The following KRABD2 variants were observed in gnomAD, a reference collection of about 807,000 sequenced individuals.
The protein encoded by KRABD2 is KRAB domain-containing protein 2.
At chr17:8,360,371 C>T in the KRABD2 span, among the ~76,000 whole-genome samples, 60 of 152,022 alleles carry the variant, frequency 3.9e-4, 1 homozygote, top group African/African-American at 1.0e-3. Flanking sequence ...CATATTAAAA[C>T]GGAAAGGCAA....
At chr17:8,359,842 C>T in the KRABD2 span, 2 of 455,756 alleles carry the variant, frequency 4.4e-6, no homozygotes, top group East Asian at 1.4e-4. Context: ...TTTAAGGCAG[C>T]CATTTCCAGC....
At chr17:8,363,802 TATATATATCATAC>T in the KRABD2 span, among the ~76,000 whole-genome samples, 4 of 131,638 alleles carry the variant, frequency 3.0e-5, no homozygotes, top group African/African-American at 1.0e-4. Flanking sequence ...ATATCATACA[TATATATATCATAC>T]ATATATATAT....
At chr17:8,366,116 G>A in the KRABD2 span, among the ~76,000 whole-genome samples, 4 of 142,760 alleles carry the variant, frequency 2.8e-5, no homozygotes, top group South Asian at 6.6e-4. Flanking sequence ...GCGACAGTGC[G>A]AGACTCCATC....
chr17:8,359,578 G>A, the KRABD2 span: 1 of 456,048 alleles, frequency 2.2e-6, no homozygotes, highest in Non-Finnish European at 4.4e-6. Flanking sequence ...GAAACTGACA[G>A]GCTAGAGAAG....
At chr17:8,373,324 G>T in the KRABD2 span, among the ~76,000 whole-genome samples, 1 of 152,216 alleles carries the variant, frequency 6.6e-6, no homozygotes, top group African/African-American at 2.4e-5. Context: ...GCCCACAGGC[G>T]CCGCCATGCC....
chr17:8,367,865 C>A, the KRABD2 span, among the ~76,000 whole-genome samples: 8 of 151,078 alleles, frequency 5.3e-5, no homozygotes, highest in African/African-American at 1.9e-4. Context: ...TGCTGACCTT[C>A]CCTCCACTAT....
chr17:8,375,356 C>T, the KRABD2 span, among the ~76,000 whole-genome samples: 1 of 152,188 alleles, frequency 6.6e-6, no homozygotes, highest in East Asian at 1.9e-4. Context: ...GCTGCACTGG[C>T]GGCATTGCTG....
chr17:8,368,186 A>G, the KRABD2 span, among the ~76,000 whole-genome samples: 1 of 152,174 alleles, frequency 6.6e-6, no homozygotes, highest in East Asian at 1.9e-4. Context: ...TGATCTAATT[A>G]AGGTAAGGAT....
chr17:8,361,632 A>G, the KRABD2 span, among the ~76,000 whole-genome samples: 3 of 152,148 alleles, frequency 2.0e-5, no homozygotes, highest in Admixed American at 6.5e-5. Flanking sequence ...ATCGTAGCTC[A>G]CTGCAGCCTT....
chr17:8,376,385 T>C, the KRABD2 span: 3 of 1,166,350 alleles, frequency 2.6e-6, no homozygotes, highest in Non-Finnish European at 3.2e-6. Context: ...TCGATTGCTA[T>C]GAAGATTCAA....
chr17:8,370,631 C>T, the KRABD2 span, among the ~76,000 whole-genome samples: 1 of 152,158 alleles, frequency 6.6e-6, no homozygotes, highest in Non-Finnish European at 1.5e-5. Flanking sequence ...AGACTTTAGG[C>T]AAACAGCAAA....
chr17:8,369,995 A>AT, the KRABD2 span: 1 of 1,614,212 alleles, frequency 6.2e-7, no homozygotes, highest in Non-Finnish European at 8.5e-7. Flanking sequence ...TCCGCCCACC[A>AT]TGTCCAATAC....
chr17:8,360,833 A>G, the KRABD2 span, among the ~76,000 whole-genome samples: 2 of 152,252 alleles, frequency 1.3e-5, no homozygotes, highest in Non-Finnish European at 2.9e-5. Context: ...AGGGTAAAGT[A>G]ATTGCAGAGG....
At chr17:8,376,290 C>G in the KRABD2 span, 6 of 1,227,714 alleles carry the variant, frequency 4.9e-6, no homozygotes, top group Non-Finnish European at 6.1e-6. Flanking sequence ...TTTGCTGACT[C>G]TTATCATTTA....
At chr17:8,375,701 CTTTTT>C in the KRABD2 span, 5 of 146,874 alleles carry the variant, frequency 3.4e-5, no homozygotes, top group Non-Finnish European at 5.4e-5. Context: ...TCTTTTCTTT[CTTTTT>C]TTTTTTTTTT....
chr17:8,374,937 CAAAAAAAAAAA>C, the KRABD2 span, among the ~76,000 whole-genome samples: 8 of 46,182 alleles, frequency 1.7e-4, no homozygotes, highest in South Asian at 4.7e-3. Flanking sequence ...GACTCTGTCA[CAAAAAAAAAAA>C]AAAAAAAAAA....
chr17:8,374,998 A>G, the KRABD2 span, among the ~76,000 whole-genome samples: 1 of 143,404 alleles, frequency 7.0e-6, no homozygotes, highest in Non-Finnish European at 1.5e-5. Flanking sequence ...AGATTGGGAG[A>G]TTTCACATAA....
At chr17:8,371,014 C>A in the KRABD2 span, among the ~76,000 whole-genome samples, 6 of 151,768 alleles carry the variant, frequency 4.0e-5, no homozygotes. Flanking sequence ...ACTAAAAATA[C>A]AAAATTTAGC....
At chr17:8,363,845 ATATATATATATATATATT>A in the KRABD2 span, among the ~76,000 whole-genome samples, 22 of 85,648 alleles carry the variant, frequency 2.6e-4, no homozygotes, top group East Asian at 9.3e-4. Flanking sequence ...ATATATATAT[ATATATATATATATATATT>A]TATTTATTTA....
Sources: allele counts gnomAD v4.1 joint callset (sites outside exome capture counted in the v4.1 genomes callset), GRCh38; gene constraint gnomAD v4.1.1; transcripts MANE v1.5; gene names NCBI Gene and HGNC (gene_info 2026-07-23, HGNC 2026-07-21).